The following GRM5 variants were observed in gnomAD, a reference collection of about 807,000 sequenced individuals.
GRM5 encodes the protein glutamate metabotropic receptor 5.
Under a neutral mutation model 83.1 loss-of-function variants are expected in GRM5, and 19 were observed. The ratio of observed to expected loss-of-function variants is 0.23; its 90% confidence interval spans 0.16 to 0.34. GRM5 has a LOEUF of 0.34. Among genes scored for constraint, GRM5 ranks in the 10% least tolerant of loss-of-function variants. The probability of loss-of-function intolerance (pLI) is 1.00; values close to 1 mark genes in which losing one functional copy is unlikely to be tolerated. For missense variants in GRM5, 1,160 were observed against 1,588.3 expected (o/e 0.73, Z 4.58); for synonymous variants, 675 against 633.6 (o/e 1.07, Z -0.98).
At chr11:88,833,484 G>T (rs1339162154) in intron 3 of GRM5, among the ~76,000 whole-genome samples, 1 of 151,996 alleles carries the variant, frequency 6.6e-6, no homozygotes, top group Admixed American at 6.6e-5. Flanking sequence ...AAAAATAAAA[G>T]ATGCTGGCCA....
chr11:88,950,483 T>C (rs1451940472), intron 2 of GRM5, among the ~76,000 whole-genome samples: 2 of 151,900 alleles, frequency 1.3e-5, no homozygotes, highest in Admixed American at 6.6e-5. Context: ...AAATACCTTC[T>C]TAAATTTTTG....
chr11:88,733,736 T>C (rs902236704), intron 3 of GRM5, among the ~76,000 whole-genome samples: 14 of 152,080 alleles, frequency 9.2e-5, no homozygotes, highest in African/African-American at 3.4e-4. Context: ...TGTTATACAA[T>C]AGCAGATAAA....
At chr11:88,561,862 C>T (rs1188722463) in intron 8 of GRM5, among the ~76,000 whole-genome samples, 2 of 152,066 alleles carry the variant, frequency 1.3e-5, no homozygotes, top group Non-Finnish European at 2.9e-5. Flanking sequence ...CTAGGTTGAG[C>T]CAATTTAACT....
At chr11:88,597,853 A>G (rs1219041879) in intron 5 of GRM5, among the ~76,000 whole-genome samples, 1 of 152,076 alleles carries the variant, frequency 6.6e-6, no homozygotes, top group Admixed American at 6.5e-5. Flanking sequence ...TTGTACAAAG[A>G]TAGTTTTGAG....
Position 89,047,126 on chromosome 11 carries a change from T to G in GRM5, c.661+86A>C, listed in dbSNP as rs1199659286. The G allele has an allele frequency of 4.9e-6, 5 of 1,013,806 alleles. No homozygotes were observed. Among genetic ancestry groups the G allele is most frequent in the Non-Finnish European group, 7.4e-6 (5 of 674,408 alleles). 62.8% of individuals were successfully genotyped at this position (1,013,806 alleles called of 1,614,324 possible). A position where few individuals can be genotyped will look rare whatever the true frequency, so the allele number is the denominator to read the frequency against. Reference sequence around the variant, plus strand: ...GACAATTCAAAATATCCAAAATAATTAGGAATAGTTTACTCTTCCCAAACC... The same window carrying G: ...GACAATTCAAAATATCCAAAATAATGAGGAATAGTTTACTCTTCCCAAACC... On this transcript the variant is annotated intron_variant, in intron 2 of 9. Coordinates refer to ENST00000305447, the MANE Select transcript of GRM5 (RefSeq NM_001143831.3). The surrounding 1 kb of genome is among the most constrained non-coding windows in gnomAD (Gnocchi z 5.1).
intron 4 of GRM5, 130 bp from the exon 5 acceptor site, chr11:88,605,094 G>T: frequency 1.4e-6 from 1 of 690,630 alleles, no homozygotes; most frequent in East Asian, 2.6e-5. Flanking sequence ...TAGAACCATG[G>T]GTAACACTGA....
intron 3 of GRM5, among the ~76,000 whole-genome samples, chr11:88,848,911 A>G (rs1398793542): frequency 1.3e-5 from 2 of 152,208 alleles, no homozygotes; most frequent in Non-Finnish European, 2.9e-5. Context: ...AAAGGCTAAG[A>G]GGTAATGTTT....
intron 3 of GRM5, among the ~76,000 whole-genome samples, chr11:88,745,066 G>A (rs2135420498): frequency 6.6e-6 from 1 of 152,062 alleles, no homozygotes; most frequent in East Asian, 1.9e-4. Context: ...CCGTAGAATT[G>A]TTAAGTGACT....
intron 1 of GRM5, among the ~76,000 whole-genome samples, chr11:89,051,895 T>C (rs568010409): frequency 3.3e-5 from 5 of 152,212 alleles, no homozygotes; most frequent in Non-Finnish European, 7.3e-5. Context: ...GACTTCTCTA[T>C]GATTGGCGAC....
chr11:88,612,728 G>A (rs1938358822), intron 4 of GRM5: 1 of 152,084 alleles, frequency 6.6e-6, no homozygotes, highest in Non-Finnish European at 1.5e-5. Flanking sequence ...GTGATGGTGA[G>A]CATTTCTTCA....
intron 3 of GRM5, among the ~76,000 whole-genome samples, chr11:88,761,332 T>C (rs1942510714): frequency 6.6e-6 from 1 of 152,150 alleles, no homozygotes; most frequent in Non-Finnish European, 1.5e-5. Flanking sequence ...CTCCTTAAGC[T>C]GATAAACAAC....
At chr11:88,880,951 A>C (rs1944941907) in intron 2 of GRM5, among the ~76,000 whole-genome samples, 1 of 152,140 alleles carries the variant, frequency 6.6e-6, no homozygotes, top group Admixed American at 6.5e-5. Flanking sequence ...TTAAATAGTT[A>C]ATATAGGTCA....
At chr11:88,770,417 ACT>A (rs1216991756) in intron 3 of GRM5, among the ~76,000 whole-genome samples, 6 of 152,066 alleles carry the variant, frequency 3.9e-5, no homozygotes, top group Non-Finnish European at 8.8e-5. Context: ...TTAATAATAA[ACT>A]CTGTGTATGT....
intron 2 of GRM5, among the ~76,000 whole-genome samples, chr11:88,908,511 G>C (rs1273305242): frequency 6.6e-6 from 1 of 151,930 alleles, no homozygotes; most frequent in South Asian, 2.1e-4. Flanking sequence ...ACCCAGATTC[G>C]GTAACTATCT....
chr11:88,885,301 C>T (rs185066809), intron 2 of GRM5, among the ~76,000 whole-genome samples: 1 of 151,830 alleles, frequency 6.6e-6, no homozygotes, highest in East Asian at 1.9e-4. Context: ...TATAAAGACA[C>T]AAGTGGCAAC....
At chr11:88,997,884 G>A (rs1371413141) in intron 2 of GRM5, among the ~76,000 whole-genome samples, 3 of 152,142 alleles carry the variant, frequency 2.0e-5, no homozygotes, top group Non-Finnish European at 2.9e-5. Context: ...TTAAGGAAGA[G>A]TTCAAATATA....
At chr11:88,523,129 T>C (rs752838572) in intron 9 of GRM5, among the ~76,000 whole-genome samples, 48 of 152,286 alleles carry the variant, frequency 3.2e-4, no homozygotes, top group Middle Eastern at 6.8e-3. Context: ...AATTGCATAA[T>C]TGAGACCAAA....
chr11:88,835,315 A>C (rs1230267183), intron 3 of GRM5, among the ~76,000 whole-genome samples: 1 of 152,184 alleles, frequency 6.6e-6, no homozygotes, highest in African/African-American at 2.4e-5. Context: ...ATGTTCAGAG[A>C]ATTGTAATCA....
chr11:88,570,571 A>ATATATATATATATTTTTTT (rs1405339448), intron 7 of GRM5, among the ~76,000 whole-genome samples: 4 of 46,376 alleles, frequency 8.6e-5, no homozygotes, highest in African/African-American at 2.7e-4. Context: ...ATATATATAT[A>ATATATATATATATTTTTTT]TTTTTTTTTT....
Sources: allele counts gnomAD v4.1 joint callset (sites outside exome capture counted in the v4.1 genomes callset), GRCh38; gene constraint gnomAD v4.1.1; non-coding constraint Gnocchi (gnomAD v3.1); transcripts MANE v1.5; gene names NCBI Gene and HGNC (gene_info 2026-07-23, HGNC 2026-07-21).